The following MAP3K6 variants were observed in gnomAD, a reference collection of about 807,000 sequenced individuals.
MAP3K6 encodes apoptosis signal-regulating kinase 2.
In MAP3K6, 105 loss-of-function variants were observed where a neutral mutation model predicts 147.1. The ratio of observed to expected loss-of-function variants is 0.71; its 90% confidence interval spans 0.61 to 0.84. The LOEUF is 0.84. Ranked by LOEUF, MAP3K6 falls within the 40% of genes least tolerant of loss-of-function variation. The pLI, the probability that MAP3K6 is intolerant of heterozygous loss-of-function variation, is 0.00. For missense variants in MAP3K6, 1,569 were observed against 1,715.0 expected, an observed-to-expected ratio of 0.91 and a Z score of 1.50; for synonymous variants, 695 against 732.4, an observed-to-expected ratio of 0.95 and a Z score of 0.82.
rs547217294 is a variant in MAP3K6 at position 27,356,205 on chromosome 1, C to T, written c.3638-106G>A. ...GCCAAGGCCCACTCAGGTGATGAGC[C>T]CAAGTCAGGTGATGAGCCCAAGGGT... On this transcript the variant is annotated intron_variant, in intron 26 of 28. Transcript: ENST00000357582. 2.3e-4 allele frequency: 273 copies of T among 1,194,232 alleles called. 1 individual carries two copies. The highest frequency in any genetic ancestry group is 1.2e-3 in the Admixed American group (64 of 55,362). The allele number at this position is 1,194,232 out of a possible 1,614,324, so 74.0% of individuals were successfully genotyped here. A position where few individuals can be genotyped will look rare whatever the true frequency, so the allele number is the denominator to read the frequency against.
intron 27 of MAP3K6, 135 bp from the exon 28 acceptor site, chr1:27,355,880 A>G: frequency 8.8e-7 from 1 of 1,130,614 alleles, no homozygotes; most frequent in Non-Finnish European, 1.3e-6. Flanking sequence ...CAGTTTTCTC[A>G]TCCATACAAT....
rs1268708547 is a variant in MAP3K6, at chr1:27,355,697, G to A, written c.3760C>T (p.Arg1254Ter). The change falls in exon 28 of 29, where the codon CGA (arginine) becomes TGA (stop). Residue 1254 changes from arginine to a stop codon, truncating the protein, a stop_gained. Coordinates refer to ENST00000357582, the MANE Select transcript of MAP3K6 (RefSeq NM_004672.5). LOFTEE classifies it high-confidence loss of function. Reference sequence around the variant, plus strand: ...ATGCGGGTGTAGATGAGGTCATCTCGAGTGGCATAGGTGAGCAGAGTGTGG... The same window carrying A: ...ATGCGGGTGTAGATGAGGTCATCTCAAGTGGCATAGGTGAGCAGAGTGTGG... Reference protein sequence around the residue: ...TLHTLLTYATRDDLIYTRIRG... With the variant: ...TLHTLLTYAT 9 of 1,612,906 alleles carry A rather than the reference G, an allele frequency of 5.6e-6. No individual in the cohort carries two copies. Among genetic ancestry groups the A allele is most frequent in the East Asian group, 2.2e-5 (1 of 44,858 alleles).
Position 27,358,250 on chromosome 1 carries a change from T to C in MAP3K6, c.2846A>G (p.Gln949Arg), listed in dbSNP as rs1360339915. 2.5e-6 allele frequency: 4 copies of C among 1,600,142 alleles called. No individual in the cohort carries two copies. Among genetic ancestry groups the C allele is most frequent in the Non-Finnish European group, 3.4e-6 (4 of 1,176,376 alleles). The change falls in exon 21 of 29, where the codon CAG becomes CGG. Residue 949 changes from glutamine to arginine, a missense_variant. Coordinates refer to ENST00000357582, the MANE Select transcript of MAP3K6 (RefSeq NM_004672.5). The surrounding 1 kb of genome is among the most constrained non-coding windows in gnomAD (Gnocchi z 6.2). ...TTQSQTFPCP[Q>R]APSQHPPSPP... ...GCTGGGTGGGTGCTGAGAGGGTGCC[T>C]GAGGGCACGGGAATGTCTGAGACTG...
Position 27,357,520 on chromosome 1 carries a change from G to A in MAP3K6, c.3138C>T (p.His1046=). The part of the protein sequence containing the change: ...VEELLRCLGA[H]IHTPNRRQLA... Reference sequence around the variant, plus strand: ...GCTGCCGGCGGTTGGGAGTGTGGATGTGTGCCCCGAGGCAGCGCAGCAGCT... The same window carrying A: ...GCTGCCGGCGGTTGGGAGTGTGGATATGTGCCCCGAGGCAGCGCAGCAGCT... The change falls in exon 23 of 29, where the codon CAC becomes CAT. Residue 1046 remains histidine (H), a synonymous_variant. Coordinates refer to ENST00000357582, the MANE Select transcript of MAP3K6 (RefSeq NM_004672.5). 6.2e-7 allele frequency: 1 copy of A among 1,613,530 alleles called. No homozygotes were observed. The highest frequency in any genetic ancestry group is 8.5e-7 in the Non-Finnish European group (1 of 1,179,896).
chr1:27,366,335 G>A lies in MAP3K6; in HGVS notation c.263C>T (p.Pro88Leu). ...GAAGGGCAGGCTGCGCAGCTGCGGG[G>A]GCGGCCGCGGCCGGGGGACCTGCGC... is the stretch of plus-strand genomic sequence containing the variant. ...ACAQVPRPRP[P>L]PQLRSLPFGT... The change falls in exon 1 of 29, where the codon CCC (proline) becomes CTC (leucine). Residue 88 changes from proline to leucine, a missense_variant. Pro to Leu is a moderately conservative substitution (Grantham distance 98). Coordinates refer to ENST00000357582, the MANE Select transcript of MAP3K6 (RefSeq NM_004672.5). The surrounding 1 kb of genome is among the most constrained non-coding windows in gnomAD (Gnocchi z 5.5). The A allele has an allele frequency of 7.7e-7, 1 of 1,293,992 alleles. No individual in the cohort carries two copies. The allele number at this position is 1,293,992 out of a possible 1,614,324, so 80.2% of individuals were successfully genotyped here. A position where few individuals can be genotyped will look rare whatever the true frequency, so the allele number is the denominator to read the frequency against.
At position 27,359,214 on chromosome 1, in the gene MAP3K6, A is replaced by G. The variant is rs2015652966; in HGVS notation, c.2425+203T>C. Among the ~76,000 whole-genome samples the G allele has an allele frequency of 1.3e-5, 2 of 152,094 alleles. No individual in the cohort carries two copies. Among genetic ancestry groups the G allele is most frequent in the South Asian group, 4.1e-4 (2 of 4,824 alleles). ...CCTTGGCCTGCATCAACACTCCTCAAGTGCTAAAGTCAATTTCATCACTTC... is the reference window on the plus strand; with the variant it reads ...CCTTGGCCTGCATCAACACTCCTCAGGTGCTAAAGTCAATTTCATCACTTC... On this transcript the variant is annotated intron_variant, in intron 18 of 28. Transcript: ENST00000357582. This position sits in a 1 kb window ranked among gnomAD's most constrained non-coding sequence, Gnocchi z 4.4.
Position 27,358,691 on chromosome 1 carries a change from G to A in MAP3K6, c.2583+18C>T. ...GGCCCTATGCCACTTCCATGGGCCA[G>A]GCCCAAAGAGGTCTCACCTGAAACA... On this transcript the variant is annotated intron_variant, in intron 19 of 28. Transcript: ENST00000357582. This position sits in a 1 kb window ranked among gnomAD's most constrained non-coding sequence, Gnocchi z 6.2. The A allele has an allele frequency of 6.2e-7, 1 of 1,613,620 alleles. No individual in the cohort carries two copies. Among genetic ancestry groups the A allele is most frequent in the Non-Finnish European group, 8.5e-7 (1 of 1,179,994 alleles).
chr1:27,362,772 G>A lies in MAP3K6; in HGVS notation c.1143-19C>T. ...GCGATACCTGGGGTGGGGGTAGGGGGCACAGGGCTGGACTGATGCCCACAG... is the reference window on the plus strand; with the variant it reads ...GCGATACCTGGGGTGGGGGTAGGGGACACAGGGCTGGACTGATGCCCACAG... On this transcript the variant is annotated intron_variant, in intron 7 of 28. Transcript: ENST00000357582. 1.2e-6 allele frequency: 2 copies of A among 1,611,708 alleles called. No individual in the cohort carries two copies. The highest frequency in any genetic ancestry group is 1.1e-5 in the South Asian group (1 of 90,904).
Position 27,355,376 on chromosome 1 carries a change from G to A in MAP3K6, c.*15C>T, listed in dbSNP as rs756885689. 1.8e-5 allele frequency: 29 copies of A among 1,609,840 alleles called. No individual in the cohort carries two copies. The African/African-American group carries it at 3.7e-4, about 21-fold the overall frequency. ...TCCTTGGGCCTGTCTGGCCTATGAT[G>A]CCCTCATTCAGCTCTCAGGGTCCAG... is the stretch of plus-strand genomic sequence containing the variant. On this transcript the variant is annotated 3_prime_UTR_variant, in exon 29 of 29. Coordinates refer to ENST00000357582, the MANE Select transcript of MAP3K6 (RefSeq NM_004672.5).
At position 27,366,311 on chromosome 1, in the gene MAP3K6, A is replaced by C; in HGVS notation, c.287T>G (p.Phe96Cys). The change falls in exon 1 of 29, where the codon TTC becomes TGC. Residue 96 changes from phenylalanine (F) to cysteine (C), a missense_variant. By Grantham distance (205) the Phe-to-Cys change is radical. Transcript: ENST00000357582. This position sits in a 1 kb window ranked among gnomAD's most constrained non-coding sequence, Gnocchi z 5.5. ...GGTGTCGCCTAGCTCCAGCGTCCCG[A>C]AGGGCAGGCTGCGCAGCTGCGGGGG... ...RPPPQLRSLPFGTLELGDTAA... is the reference protein window; with the variant it reads ...RPPPQLRSLPCGTLELGDTAA... 1 of 1,324,594 alleles carries C rather than the reference A, an allele frequency of 7.5e-7. No homozygotes were observed. The highest frequency in any genetic ancestry group is 1.9e-5 in the South Asian group (1 of 51,532). 82.1% of individuals were successfully genotyped at this position (1,324,594 alleles called of 1,614,324 possible). A position where few individuals can be genotyped will look rare whatever the true frequency, so the allele number is the denominator to read the frequency against.
In MAP3K6 at chr1:27,359,333, GGA is replaced by G; in HGVS notation, c.2425+82_2425+83del. 1 of 1,597,452 alleles carries G rather than the reference GGA, an allele frequency of 6.3e-7. No homozygotes were observed. The highest frequency in any genetic ancestry group is 8.6e-7 in the Non-Finnish European group (1 of 1,168,406). ...CATTAGGACTCTAACTCCATGCCTA[GGA>G]GAAACCCCCTTCCCTGGAAAGTTCC... On this transcript the variant is annotated intron_variant, in intron 18 of 28. Coordinates refer to ENST00000357582, the MANE Select transcript of MAP3K6 (RefSeq NM_004672.5). The surrounding 1 kb of genome is among the most constrained non-coding windows in gnomAD (Gnocchi z 4.4).
rs2015567278 is a variant in MAP3K6, at chr1:27,357,400, C to T, written c.3258G>A (p.Ala1086=). 6.3e-7 allele frequency: 1 copy of T among 1,589,056 alleles called. No individual in the cohort carries two copies. Among genetic ancestry groups the T allele is most frequent in the South Asian group, 1.1e-5 (1 of 89,640 alleles). ...LHRPLFAFPD[A]VKQILRKRQI... ...TCTAACTACCAGAAGGCGCCCTCAC[C>T]GCATCCGGGAAGGCAAACAGCGGTC... The change falls in exon 23 of 29, where the codon GCG becomes GCA. Residue 1086 remains alanine (A), a splice_region_variant and synonymous_variant. Transcript: ENST00000357582.
chr1:27,358,193 G>A lies in MAP3K6; in HGVS notation c.2903C>T (p.Thr968Ile). 6.3e-7 allele frequency: 1 copy of A among 1,587,704 alleles called. No individual in the cohort carries two copies. Among genetic ancestry groups the A allele is most frequent in the Non-Finnish European group, 8.5e-7 (1 of 1,172,032 alleles). ...GCCTTGGTCTCACCGGAGCTGGCTG[G>A]TGCCCCCATAACTGAGGCAGCGCTT... ...PPKRCLSYGG[T>I]SQLRVPEEPA... is the part of the protein sequence containing the mutation. The change falls in exon 21 of 29, where the codon ACC becomes ATC. Residue 968 changes from threonine (T) to isoleucine (I), a missense_variant. Physicochemically the swap from Thr to Ile is moderately conservative, Grantham distance 89. Coordinates refer to ENST00000357582, the MANE Select transcript of MAP3K6 (RefSeq NM_004672.5). The surrounding 1 kb of genome is among the most constrained non-coding windows in gnomAD (Gnocchi z 6.2).
chr1:27,360,649 C>A lies in MAP3K6; in HGVS notation c.2054+56G>T, dbSNP rs1255185665. The A allele has an allele frequency of 1.9e-6, 3 of 1,564,700 alleles. No homozygotes were observed. The highest frequency in any genetic ancestry group is 1.2e-5 in the South Asian group (1 of 85,900). On this transcript the variant is annotated intron_variant, in intron 15 of 28. Transcript: ENST00000357582. This position sits in a 1 kb window ranked among gnomAD's most constrained non-coding sequence, Gnocchi z 4.5. ...CACAGGAGCCGCTCCGCTCGTGGCC[C>A]GGCTCACTCGGCCCTCGCGAGCCCT...
At chr1:27,357,144 A>T in intron 23 of MAP3K6, 30 bp from the exon 24 acceptor site, 1 of 1,588,000 alleles carries the variant, frequency 6.3e-7, no homozygotes, top group Non-Finnish European at 8.6e-7. Flanking sequence ...CCGCTGAGAC[A>T]GCTGAGCCTC....
Position 27,356,429 on chromosome 1 carries a change from T to TA in MAP3K6, c.3595_3596insT (p.Asn1199IlefsTer2), listed in dbSNP as rs1372229551. 3 of 1,613,438 alleles carry TA rather than the reference T, an allele frequency of 1.9e-6. No individual in the cohort carries two copies. The highest frequency in any genetic ancestry group is 8.5e-7 in the Non-Finnish European group (1 of 1,179,898). On this transcript the variant is annotated frameshift_variant, in exon 26 of 29. Transcript: ENST00000357582. LOFTEE classifies it high-confidence loss of function. ...CAGGACATAGGTCCGGGCTTCCTCA[T>TA]TCAGCCGCTGTAGAGCCCGCTGCAC...
At chr1:27,363,868 T>C (rs4307592) in intron 5 of MAP3K6, 49 bp downstream of exon 5, 451,518 of 1,484,276 alleles carry the variant, frequency 0.3, 70,910 homozygotes, top group Middle Eastern at 0.33. Flanking sequence ...CTTGGGTTTG[T>C]CTGACCTCAA....
chr1:27,365,434 C>T (rs2015941644), intron 1 of MAP3K6, among the ~76,000 whole-genome samples: 1 of 152,092 alleles, frequency 6.6e-6, no homozygotes, highest in East Asian at 1.9e-4. Context: ...TTGTGTCTGT[C>T]GATAATTGTA....
At position 27,364,516 on chromosome 1, in the gene MAP3K6, A is replaced by C; in HGVS notation, c.505-122T>G. On this transcript the variant is annotated intron_variant, in intron 3 of 28. Coordinates refer to ENST00000357582, the MANE Select transcript of MAP3K6 (RefSeq NM_004672.5). The surrounding 1 kb of genome is among the most constrained non-coding windows in gnomAD (Gnocchi z 4.4). ...GAATCGCAGGAAAGGGGCACCCGTC[A>C]TGAGAGGAGGCAACAGGAAACAGAG... 1 of 1,537,218 alleles carries C rather than the reference A, an allele frequency of 6.5e-7. No individual in the cohort carries two copies. The highest frequency in any genetic ancestry group is 2.3e-5 in the East Asian group (1 of 44,376).
Sources: gnomAD v4.1 joint callset for allele counts (sites outside exome capture counted in the v4.1 genomes callset) on GRCh38, gnomAD v4.1.1 for gene constraint, Gnocchi (gnomAD v3.1) non-coding constraint, MANE v1.5 for transcripts, NCBI Gene and HGNC (gene_info 2026-07-23, HGNC 2026-07-21) for gene names.